The following ROBO2 variants were observed in gnomAD, a reference collection of about 807,000 sequenced individuals.
ROBO2 encodes the protein roundabout homolog 2.
A neutral mutation model predicts 160.8 loss-of-function variants in ROBO2; 53 were observed. The observed-to-expected ratio is 0.33, with a 90% CI of 0.26 to 0.41. The LOEUF (loss-of-function observed/expected upper bound fraction) is 0.41. Ranked by LOEUF, ROBO2 falls within the 10% of genes least tolerant of loss-of-function variation. The pLI is 1.00. For missense variants in ROBO2, 1,577 were observed against 1,722.4 expected, an observed-to-expected ratio of 0.92 and a Z score of 1.49; for synonymous variants, 664 against 611.7, an observed-to-expected ratio of 1.09 and a Z score of -1.26.
intron 2 of ROBO2, among the ~76,000 whole-genome samples, chr3:76,882,724 T>G (rs2073481106): frequency 6.6e-6 from 1 of 152,202 alleles, no homozygotes; most frequent in South Asian, 2.1e-4. Context: ...TTTTCCCATT[T>G]CTTACTGTAT....
chr3:77,210,168 C>T (rs2083938290), intron 2 of ROBO2, among the ~76,000 whole-genome samples: 1 of 151,178 alleles, frequency 6.6e-6, no homozygotes, highest in African/African-American at 2.4e-5. Context: ...CTCAATTTTC[C>T]TTCTTCATTG....
intron 2 of ROBO2, among the ~76,000 whole-genome samples, chr3:76,867,073 G>A (rs966875735): frequency 6.6e-6 from 1 of 152,104 alleles, no homozygotes; most frequent in African/African-American, 2.4e-5. Context: ...AAGGAAAAGG[G>A]GAGGACATTG....
intron 2 of ROBO2, among the ~76,000 whole-genome samples, chr3:76,414,966 G>A (rs1430566304): frequency 6.6e-6 from 1 of 152,042 alleles, no homozygotes; most frequent in Non-Finnish European, 1.5e-5. Flanking sequence ...GTCCTCACCA[G>A]GTCTTCATGA....
rs1005845079 is a variant in ROBO2 at position 77,301,165 on chromosome 3, G to A, written c.389-176249G>A. Among the ~76,000 whole-genome samples the A allele has an allele frequency of 4.6e-5, 7 of 151,878 alleles. 1 individual carries two copies. The highest frequency in any genetic ancestry group is 6.8e-3 in the Middle Eastern group (2 of 294). Reference sequence around the variant, plus strand: ...ATTACAGGCATGAACCACTGTGTCCGGCCTAATAGACATATTTTTAAATTG... The same window carrying A: ...ATTACAGGCATGAACCACTGTGTCCAGCCTAATAGACATATTTTTAAATTG... On this transcript the variant is annotated intron_variant, in intron 2 of 25. Transcript: ENST00000461745.
rs773663631 is a variant in ROBO2 at position 77,607,783 on chromosome 3, C to A, written c.3137-15C>A. On this transcript the variant is annotated splice_polypyrimidine_tract_variant and intron_variant, in intron 20 of 25. Transcript: ENST00000461745. Reference sequence around the variant, plus strand: ...GCTATTTGGCATCTCTGAATAAATACGTTATTACTTTCAGGTGGGAAAGGT... The same window carrying A: ...GCTATTTGGCATCTCTGAATAAATAAGTTATTACTTTCAGGTGGGAAAGGT... 1.9e-6 allele frequency: 3 copies of A among 1,611,338 alleles called. No individual in the cohort carries two copies. In the South Asian group the frequency reaches 3.3e-5, roughly 18 times the overall value.
intron 2 of ROBO2, among the ~76,000 whole-genome samples, chr3:76,941,595 A>G (rs561172207): frequency 6.6e-6 from 1 of 152,148 alleles, no homozygotes; most frequent in Non-Finnish European, 1.5e-5. Flanking sequence ...TTACGTACCA[A>G]TCATCGGAAG....
intron 2 of ROBO2, among the ~76,000 whole-genome samples, chr3:76,548,106 G>A (rs1429987631): frequency 6.6e-6 from 1 of 152,060 alleles, no homozygotes; most frequent in African/African-American, 2.4e-5. Flanking sequence ...TTTTGGTAAG[G>A]TAAATTCATC....
At position 76,964,980 on chromosome 3, in the gene ROBO2, C is replaced by T. The variant is rs538201196; in HGVS notation, c.110-133034C>T. ...CAAGTATGAGGATGCCACATCTAAA[C>T]ATTTTTGTTTCTTCAACTGGATTTT... On this transcript the variant is annotated intron_variant, in intron 2 of 26. Coordinates refer to the ROBO2 transcript ENST00000487694. Among the ~76,000 whole-genome samples, 19 of 152,272 alleles carry T rather than the reference C, an allele frequency of 1.2e-4. No individual in the cohort carries two copies. The South Asian group carries it at 3.7e-3, about 30-fold the overall frequency.
intron 2 of ROBO2, among the ~76,000 whole-genome samples, chr3:76,820,637 T>A (rs1046753163): frequency 6.6e-6 from 1 of 151,974 alleles, no homozygotes. Flanking sequence ...TGAGTTTATA[T>A]CAGGAAATTC....
rs951119183 is a variant in ROBO2 at position 76,827,109 on chromosome 3, C to G, written c.110-270905C>G. ...GAGGTAGAGTTGCATTGGTATCGTT[C>G]AGAAATTTTGTGGGAGTAAATCACA... On this transcript the variant is annotated intron_variant, in intron 2 of 26. Coordinates refer to the ROBO2 transcript ENST00000487694. Among the ~76,000 whole-genome samples, 3 of 152,216 alleles carry G rather than the reference C, an allele frequency of 2.0e-5. 1 individual carries two copies. In the South Asian group the frequency reaches 6.2e-4, roughly 32 times the overall value.
intron 21 of ROBO2, among the ~76,000 whole-genome samples, chr3:77,615,319 C>A (rs1297928127): frequency 6.6e-6 from 1 of 152,186 alleles, no homozygotes; most frequent in Non-Finnish European, 1.5e-5. Flanking sequence ...ACATTTGTTA[C>A]AATTGATGCG....
At chr3:75,969,969 CAAG>C (rs2064946147) in intron 2 of ROBO2, among the ~76,000 whole-genome samples, 1 of 151,542 alleles carries the variant, frequency 6.6e-6, no homozygotes, top group African/African-American at 2.4e-5. Context: ...AGGCCAATAT[CAAG>C]GAGTTGTTTT....
chr3:76,426,656 G>A (rs1019091563), intron 2 of ROBO2, among the ~76,000 whole-genome samples: 6 of 152,072 alleles, frequency 3.9e-5, no homozygotes, highest in Non-Finnish European at 8.8e-5. Flanking sequence ...GATGAAAGGG[G>A]TGATTTTTAT....
Position 76,038,767 on chromosome 3 carries a change from C to CGT in ROBO2, c.109+101188_109+101189dup, listed in dbSNP as rs66489028. Among the ~76,000 whole-genome samples, 496 of 148,312 alleles carry CGT rather than the reference C, an allele frequency of 3.3e-3. 5 individuals are homozygous for CGT. Among genetic ancestry groups the CGT allele is most frequent in the East Asian group, 7.2e-3 (30 of 4,140 alleles). Reference sequence around the variant, plus strand: ...CCAACTGGTAGCACATGGAAAACTGCGTGTGTGTGTGTGTGTGTGTGTGTA... The same window carrying CGT: ...CCAACTGGTAGCACATGGAAAACTGCGTGTGTGTGTGTGTGTGTGTGTGTGTA... On this transcript the variant is annotated intron_variant, in intron 2 of 26. Coordinates refer to the ROBO2 transcript ENST00000487694.
At chr3:77,245,666 G>C (rs916967085) in intron 2 of ROBO2, among the ~76,000 whole-genome samples, 2 of 152,078 alleles carry the variant, frequency 1.3e-5, no homozygotes, top group African/African-American at 4.8e-5. Flanking sequence ...AAACAAGTAT[G>C]GTTTCTGATT....
chr3:76,787,254 T>C (rs1223185389), intron 2 of ROBO2, among the ~76,000 whole-genome samples: 1 of 151,032 alleles, frequency 6.6e-6, no homozygotes, highest in African/African-American at 2.4e-5. Context: ...GACAGTAAAA[T>C]CTGAATTTTT....
At chr3:76,798,298 AAG>A (rs2063917344) in intron 2 of ROBO2, among the ~76,000 whole-genome samples, 1 of 151,074 alleles carries the variant, frequency 6.6e-6, no homozygotes, top group Non-Finnish European at 1.5e-5. Context: ...GAAAGAAAGA[AAG>A]AAAGAAAGAA....
At chr3:76,571,822 A>G (rs975945621) in intron 2 of ROBO2, among the ~76,000 whole-genome samples, 1 of 152,158 alleles carries the variant, frequency 6.6e-6, no homozygotes, top group African/African-American at 2.4e-5. Flanking sequence ...CATCTTCCGT[A>G]TTGCACTGCG....
At chr3:76,310,889 A>G (rs2071549031) in intron 2 of ROBO2, among the ~76,000 whole-genome samples, 1 of 152,200 alleles carries the variant, frequency 6.6e-6, no homozygotes, top group Non-Finnish European at 1.5e-5. Context: ...TATTAGGATC[A>G]CACAGGCAGC....
Sources: gnomAD v4.1 joint callset for allele counts (sites outside exome capture counted in the v4.1 genomes callset) on GRCh38, gnomAD v4.1.1 for gene constraint, MANE v1.5 for transcripts, NCBI Gene and HGNC (gene_info 2026-07-23, HGNC 2026-07-21) for gene names.